The following TCF12 variants were observed in gnomAD, a reference collection of about 807,000 sequenced individuals.
TCF12 encodes DNA-binding protein HTF4.
Under a neutral mutation model 86.0 loss-of-function variants are expected in TCF12, and 45 were observed. That is an observed-to-expected ratio of 0.52 (90% CI 0.41 to 0.67). TCF12 has a LOEUF of 0.67. Among genes scored for constraint, TCF12 ranks in the 30% least tolerant of loss-of-function variants. The pLI is 0.00. For synonymous variants in TCF12, 330 were observed against 299.6 expected (o/e 1.10, Z -1.05); for missense variants, 881 against 859.9 (o/e 1.02, Z -0.31).
chr15:57,251,497 A>G (rs2060116585), intron 14 of TCF12, 74 bp downstream of exon 14: 11 of 1,409,874 alleles, frequency 7.8e-6, no homozygotes, highest in Non-Finnish European at 3.0e-6. Flanking sequence ...TGGCATAACA[A>G]TAAAGAAACA....
At chr15:57,180,540 A>G (rs1354785173) in intron 6 of TCF12, among the ~76,000 whole-genome samples, 3 of 152,050 alleles carry the variant, frequency 2.0e-5, no homozygotes, top group Admixed American at 6.6e-5. Flanking sequence ...TAATTTCCAC[A>G]TACTCCCTCC....
chr15:57,165,459 C>T (rs1189260146), intron 5 of TCF12, among the ~76,000 whole-genome samples: 1 of 151,882 alleles, frequency 6.6e-6, no homozygotes, highest in Non-Finnish European at 1.5e-5. Flanking sequence ...GAGTATAAAA[C>T]ATACATGGTA....
At chr15:57,106,453 G>A (rs921045933) in intron 5 of TCF12, among the ~76,000 whole-genome samples, 1 of 152,180 alleles carries the variant, frequency 6.6e-6, no homozygotes. Context: ...TTTTGCGTTT[G>A]GCTAGAGTAT....
At chr15:57,204,954 A>T (rs1597300346) in intron 8 of TCF12, among the ~76,000 whole-genome samples, 1 of 152,150 alleles carries the variant, frequency 6.6e-6, no homozygotes, top group African/African-American at 2.4e-5. Context: ...CAAGAAAAAT[A>T]CTCTGTGAGT....
At chr15:57,054,766 G>A (rs1289788036) in intron 3 of TCF12, among the ~76,000 whole-genome samples, 1 of 99,852 alleles carries the variant, frequency 1.0e-5, no homozygotes, top group African/African-American at 3.8e-5. Context: ...TTTTTGCAAT[G>A]CCTCTGCTTT....
rs869113042 is a variant in TCF12 at position 57,136,958 on chromosome 15, G to GTTTTTTTTTTTTTTTTTT, written c.326-29433_326-29432insTTTTTTTTTTTTTTTTTT. 3.0e-4 allele frequency among the ~76,000 whole-genome samples: 25 copies of GTTTTTTTTTTTTTTTTTT among 83,044 alleles called. 12 individuals carry two copies. Among genetic ancestry groups the GTTTTTTTTTTTTTTTTTT allele is most frequent in the African/African-American group, 1.1e-3 (22 of 20,800 alleles). 54.5% of individuals were successfully genotyped at this position (83,044 alleles called of 152,430 possible). A position where few individuals can be genotyped will look rare whatever the true frequency, so the allele number is the denominator to read the frequency against. ...TAGACAATAGCCACTGCTTCTGGCAGTTTTTTTTTTTGTTTTTTTTTTTTT... is the reference window on the plus strand; with the variant it reads ...TAGACAATAGCCACTGCTTCTGGCAGTTTTTTTTTTTTTTTTTTTTTTTTTTTTTGTTTTTTTTTTTTT... On this transcript the variant is annotated intron_variant, in intron 5 of 20. Transcript: ENST00000333725.
chr15:56,989,483 C>T (rs1412901662), intron 3 of TCF12, among the ~76,000 whole-genome samples: 8 of 152,128 alleles, frequency 5.3e-5, no homozygotes, highest in African/African-American at 1.9e-4. Flanking sequence ...TTTAGAAATC[C>T]TGGCTATAGT....
chr15:57,267,406 G>A (rs368609530), intron 18 of TCF12, among the ~76,000 whole-genome samples: 1 of 152,174 alleles, frequency 6.6e-6, no homozygotes. Flanking sequence ...AAGGAATTCA[G>A]AGACCACTCT....
intron 3 of TCF12, among the ~76,000 whole-genome samples, chr15:56,994,460 A>G (rs1341210928): frequency 6.6e-6 from 1 of 152,152 alleles, no homozygotes; most frequent in Non-Finnish European, 1.5e-5. Flanking sequence ...TGAAAGACAC[A>G]AACATACAGA....
At chr15:57,272,896 C>G in intron 18 of TCF12, 134 bp from the exon 19 acceptor site, 1 of 793,596 alleles carries the variant, frequency 1.3e-6, no homozygotes, top group South Asian at 1.8e-5. Context: ...GTCATGTTAA[C>G]TGCACCTATT....
chr15:57,055,010 T>G (rs1172905744), intron 3 of TCF12, among the ~76,000 whole-genome samples: 1 of 152,028 alleles, frequency 6.6e-6, no homozygotes, highest in Non-Finnish European at 1.5e-5. Context: ...TTTCCTAAGC[T>G]CTATGTGTTT....
chr15:57,041,126 A>G (rs1424408237), intron 3 of TCF12, among the ~76,000 whole-genome samples: 1 of 152,190 alleles, frequency 6.6e-6, no homozygotes, highest in Non-Finnish European at 1.5e-5. Context: ...CTTCTTCTAC[A>G]TTTGATAAAA....
chr15:57,152,363 C>T (rs1339219173), intron 5 of TCF12, among the ~76,000 whole-genome samples: 2 of 151,784 alleles, frequency 1.3e-5, no homozygotes, highest in African/African-American at 2.4e-5. Context: ...ACTATCGAGG[C>T]AAAACAGTTA....
At chr15:57,076,609 C>T (rs866702492) in intron 4 of TCF12, among the ~76,000 whole-genome samples, 1 of 150,350 alleles carries the variant, frequency 6.7e-6, no homozygotes, top group Non-Finnish European at 1.5e-5. Flanking sequence ...GCCGAGATCG[C>T]GCCACTGCAC....
At chr15:57,280,277 A>G (rs1318685085) in intron 19 of TCF12, among the ~76,000 whole-genome samples, 2 of 152,212 alleles carry the variant, frequency 1.3e-5, no homozygotes, top group East Asian at 1.9e-4. Flanking sequence ...GCAGCTCTTA[A>G]TATTTTTTGC....
chr15:57,114,812 T>G (rs1265694461), intron 5 of TCF12, among the ~76,000 whole-genome samples: 2 of 152,210 alleles, frequency 1.3e-5, no homozygotes, highest in African/African-American at 4.8e-5. Context: ...TTGTATATCT[T>G]TGGCATCTAG....
chr15:57,173,032 T>C (rs1157246844), intron 6 of TCF12, among the ~76,000 whole-genome samples: 1 of 151,874 alleles, frequency 6.6e-6, no homozygotes, highest in Non-Finnish European at 1.5e-5. Flanking sequence ...GAGGCTGCAG[T>C]GCGCTGTTAT....
intron 3 of TCF12, among the ~76,000 whole-genome samples, chr15:56,940,464 C>T (rs1293106421): frequency 6.6e-6 from 1 of 151,364 alleles, no homozygotes; most frequent in Non-Finnish European, 1.5e-5. Context: ...CTTTCTTCTT[C>T]CTCTTCTTCT....
At chr15:56,977,638 T>G (rs1234225708) in intron 3 of TCF12, among the ~76,000 whole-genome samples, 2 of 152,102 alleles carry the variant, frequency 1.3e-5, no homozygotes, top group African/African-American at 4.8e-5. Flanking sequence ...GTGTGTGTGT[T>G]TTGGCTGTTG....
Sources: allele counts gnomAD v4.1 joint callset (sites outside exome capture counted in the v4.1 genomes callset), GRCh38; gene constraint gnomAD v4.1.1; transcripts MANE v1.5; gene names NCBI Gene and HGNC (gene_info 2026-07-23, HGNC 2026-07-21).